The following FRMD4B variants were observed in gnomAD, a reference collection of about 807,000 sequenced individuals.
The protein encoded by FRMD4B is FERM domain-containing protein 4B.
FRMD4B carries 74 observed loss-of-function variants against 141.5 expected under a neutral mutation model. The observed-to-expected ratio is 0.52, with a 90% confidence interval of 0.43 to 0.63. The LOEUF is 0.63. FRMD4B is among the 30% of genes least tolerant of loss of function. FRMD4B has a pLI of 0.00. For missense variants in FRMD4B, 1,366 were observed against 1,253.4 expected (o/e 1.09, Z -1.36); for synonymous variants, 506 against 467.9 (o/e 1.08, Z -1.05).
chr3:69,534,989 A>T (rs1701063929), intron 1 of FRMD4B, among the ~76,000 whole-genome samples: 1 of 152,036 alleles, frequency 6.6e-6, no homozygotes, highest in South Asian at 2.1e-4. Flanking sequence ...AATAGCTAGA[A>T]TTTTTTTTAG....
At chr3:69,431,560 C>T (rs1448822524) in intron 2 of FRMD4B, among the ~76,000 whole-genome samples, 1 of 152,202 alleles carries the variant, frequency 6.6e-6, no homozygotes, top group East Asian at 1.9e-4. Context: ...ATGGGCTCAG[C>T]ATTCTTTCAA....
At position 69,171,809 on chromosome 3, in the gene FRMD4B, A is replaced by G. The variant is rs879131865; in HGVS notation, c.*52T>C. 1 of 1,554,056 alleles carries G rather than the reference A, an allele frequency of 6.4e-7. No homozygotes were observed. The highest frequency in any genetic ancestry group is 8.8e-7 in the Non-Finnish European group (1 of 1,133,622). The stretch of plus-strand genomic sequence containing the variant: ...CTCTCGGAAGACAAATACAATTTGC[A>G]AGGCACACTAGTGTGAGAACGCAGT... On this transcript the variant is annotated 3_prime_UTR_variant, in exon 23 of 23. Transcript: ENST00000398540.
At chr3:69,497,007 C>T (rs1369891204) in intron 1 of FRMD4B, among the ~76,000 whole-genome samples, 3 of 152,008 alleles carry the variant, frequency 2.0e-5, no homozygotes, top group Admixed American at 6.6e-5. Flanking sequence ...GAATACCTCT[C>T]GAACCCACTG....
At chr3:69,454,606 G>C (rs541168193) in intron 1 of FRMD4B, among the ~76,000 whole-genome samples, 1 of 152,324 alleles carries the variant, frequency 6.6e-6, no homozygotes, top group South Asian at 2.1e-4. Flanking sequence ...GGGTGTGCCG[G>C]GTCCCCCAGC....
chr3:69,493,242 A>G (rs190393901), intron 1 of FRMD4B, among the ~76,000 whole-genome samples: 2 of 152,332 alleles, frequency 1.3e-5, no homozygotes, highest in African/African-American at 2.4e-5. Context: ...AGTAGAGTAC[A>G]GTGTAAGGTC....
At chr3:69,443,824 A>G (rs1471399948) in intron 1 of FRMD4B, among the ~76,000 whole-genome samples, 3 of 152,230 alleles carry the variant, frequency 2.0e-5, no homozygotes, top group African/African-American at 4.8e-5. Flanking sequence ...AAAAGCCACA[A>G]GGTTAGGATT....
intron 4 of FRMD4B, among the ~76,000 whole-genome samples, chr3:69,291,583 T>A (rs1166496489): frequency 1.3e-5 from 2 of 152,152 alleles, no homozygotes; most frequent in Non-Finnish European, 2.9e-5. Context: ...TAAAACTCCT[T>A]CATCATGGTG....
chr3:69,301,486 A>G (rs549473691), intron 4 of FRMD4B, among the ~76,000 whole-genome samples: 12 of 151,966 alleles, frequency 7.9e-5, no homozygotes, highest in Non-Finnish European at 1.5e-5. Flanking sequence ...CACCAAGTTC[A>G]GCTAATTTTT....
At chr3:69,461,623 C>CAAAAAAAAAAAAA (rs58143332) in intron 1 of FRMD4B, among the ~76,000 whole-genome samples, 4 of 43,460 alleles carry the variant, frequency 9.2e-5, no homozygotes, top group Non-Finnish European at 1.6e-4. Context: ...GACTCTGTCT[C>CAAAAAAAAAAAAA]AAAAAAAAAA....
intron 16 of FRMD4B, among the ~76,000 whole-genome samples, 187 bp from the exon 17 acceptor site, chr3:69,194,060 T>C (rs1422448250): frequency 6.6e-6 from 1 of 152,238 alleles, no homozygotes; most frequent in Non-Finnish European, 1.5e-5. Context: ...CTTCAACTTC[T>C]CATTAGTCCA....
chr3:69,213,369 TAAA>T (rs10717974), intron 11 of FRMD4B, among the ~76,000 whole-genome samples: 6 of 124,590 alleles, frequency 4.8e-5, no homozygotes, highest in Admixed American at 8.1e-5. Flanking sequence ...TTACTCTGGG[TAAA>T]AAAAAAAAAA....
intron 2 of FRMD4B, chr3:69,432,617 C>T (rs1268060978): frequency 6.6e-6 from 1 of 152,212 alleles, no homozygotes. Context: ...TCAGCATTTA[C>T]AGAAACGTCA....
intron 4 of FRMD4B, among the ~76,000 whole-genome samples, chr3:69,289,529 C>T (rs1700805126): frequency 6.6e-6 from 1 of 152,216 alleles, no homozygotes; most frequent in East Asian, 1.9e-4. Flanking sequence ...GACGCAGTGG[C>T]TCACGCCTGT....
chr3:69,173,281 A>G lies in FRMD4B; in HGVS notation c.2985-1300T>C, dbSNP rs551765126. On this transcript the variant is annotated intron_variant, in intron 22 of 22. Transcript: ENST00000398540. ...GTAGCTTCAACATTTCTACTTCGGA[A>G]AGTTTATGCTAATGACAATTATGCC... is the stretch of plus-strand genomic sequence containing the variant. 5.3e-5 allele frequency among the ~76,000 whole-genome samples: 8 copies of G among 152,336 alleles called. No homozygotes were observed. The East Asian group carries it at 1.3e-3, about 26-fold the overall frequency.
intron 5 of FRMD4B, among the ~76,000 whole-genome samples, chr3:69,265,312 A>G (rs1394276583): frequency 7.9e-6 from 1 of 127,150 alleles, no homozygotes; most frequent in Admixed American, 8.6e-5. Flanking sequence ...ATATATATAT[A>G]TATGCAGATA....
chr3:69,534,068 G>A (rs988069231), intron 1 of FRMD4B, among the ~76,000 whole-genome samples: 5 of 152,150 alleles, frequency 3.3e-5, no homozygotes, highest in Admixed American at 1.3e-4. Context: ...CTCAGGCCCC[G>A]TACCAGATCT....
At chr3:69,439,778 C>T (rs549072292) in intron 1 of FRMD4B, among the ~76,000 whole-genome samples, 4 of 152,288 alleles carry the variant, frequency 2.6e-5, no homozygotes, top group Middle Eastern at 3.4e-3. Flanking sequence ...GCTATTGTGA[C>T]GGGCATAAAA....
intron 1 of FRMD4B, among the ~76,000 whole-genome samples, chr3:69,519,460 C>T (rs1316201213): frequency 6.6e-6 from 1 of 152,032 alleles, no homozygotes; most frequent in African/African-American, 2.4e-5. Flanking sequence ...CCAGGAATCC[C>T]CCTGTTGGAA....
chr3:69,194,042 C>T lies in FRMD4B; in HGVS notation c.1489-169G>A, dbSNP rs114089799. On this transcript the variant is annotated intron_variant, in intron 16 of 22. Transcript: ENST00000398540. ...TCCTTGTCAAACACTTTCCTTTACT[C>T]GTCTTAACTTCAACTTCTCATTAGT... Among the ~76,000 whole-genome samples, 332 of 152,322 alleles carry T rather than the reference C, an allele frequency of 2.2e-3. 2 individuals carry two copies. The highest frequency in any genetic ancestry group is 7.7e-3 in the African/African-American group (320 of 41,564).
Sources: allele counts gnomAD v4.1 joint callset (sites outside exome capture counted in the v4.1 genomes callset), GRCh38; gene constraint gnomAD v4.1.1; transcripts MANE v1.5; gene names NCBI Gene and HGNC (gene_info 2026-07-23, HGNC 2026-07-21).